The following EPHB4 variants were observed in gnomAD, a reference collection of about 807,000 sequenced individuals.
EPHB4 encodes the protein ephrin type-B receptor 4.
EPHB4 carries 50 observed loss-of-function variants against 110.6 expected under a neutral mutation model. That is an observed-to-expected ratio of 0.45 (90% CI 0.36 to 0.57). The LOEUF (loss-of-function observed/expected upper bound fraction) is 0.57, where lower values mean the gene tolerates loss of function less well. Among genes scored for constraint, EPHB4 ranks in the 20% least tolerant of loss-of-function variants. The pLI is 0.00. For synonymous variants in EPHB4, 592 were observed against 578.4 expected, an observed-to-expected ratio of 1.02 and a Z score of -0.34; for missense variants, 1,128 against 1,382.1, an observed-to-expected ratio of 0.82 and a Z score of 2.91.
Position 100,822,680 on chromosome 7 carries a change from G to T in EPHB4, c.412-13C>A, listed in dbSNP as rs778010856. 5.8e-6 allele frequency: 9 copies of T among 1,539,040 alleles called. No homozygotes were observed. In the East Asian group the frequency reaches 2.1e-4, roughly 36 times the overall value. The stretch of plus-strand genomic sequence containing the variant: ...CCACCGTGTCCACCTGCCGGCGGGG[G>T]GGAGGCACACCGCTGCTGTCCCCAC... On this transcript the variant is annotated splice_polypyrimidine_tract_variant and intron_variant, in intron 3 of 16. Transcript: ENST00000358173. The surrounding 1 kb of genome is among the most constrained non-coding windows in gnomAD (Gnocchi z 4.7).
Position 100,812,945 on chromosome 7 carries a change from C to T in EPHB4, c.1920G>A (p.Lys640=). The change falls in exon 12 of 17, where the codon AAG becomes AAA. Residue 640 remains lysine (K), a synonymous_variant. Transcript: ENST00000358173. The part of the protein sequence containing the change: ...CRGRLKAPGK[K]ESCVAIKTLK... ...GGGTCTTGATTGCCACACAGCTCTC[C>T]TTCTTCCCTGGGGCCTTGAGCCGCC... is the stretch of plus-strand genomic sequence containing the variant. 1 of 1,614,030 alleles carries T rather than the reference C, an allele frequency of 6.2e-7. No homozygotes were observed. The highest frequency in any genetic ancestry group is 8.5e-7 in the Non-Finnish European group (1 of 1,179,888).
rs753421383 is a variant in EPHB4 at position 100,813,124 on chromosome 7, T to C, written c.1841A>G (p.Tyr614Cys). Reference sequence around the variant, plus strand: ...ACCAATCACCTCTTCAATCTTGACGTAGGAGACATCGATCTCTTTTGCAAA... The same window carrying C: ...ACCAATCACCTCTTCAATCTTGACGCAGGAGACATCGATCTCTTTTGCAAA... ...REFAKEIDVS[Y>C]VKIEEVIGAG... Residue 614 changes from tyrosine (Y) to cysteine (C), a missense_variant, in exon 11 of 17, where the codon TAC becomes TGC. Physicochemically the swap from Tyr to Cys is radical, Grantham distance 194. This residue lies in a region of EPHB4 where 191 missense variants were observed against 313.0 expected (regional missense o/e 0.61). Coordinates refer to ENST00000358173, the MANE Select transcript of EPHB4 (RefSeq NM_004444.5). 4 of 1,612,912 alleles carry C rather than the reference T, an allele frequency of 2.5e-6. No individual in the cohort carries two copies. The African/African-American group carries it at 4.0e-5, about 16-fold the overall frequency.
At chr7:100,818,404 G>A (rs1475755619) in intron 7 of EPHB4, 116 bp downstream of exon 7, 9 of 1,499,052 alleles carry the variant, frequency 6.0e-6, no homozygotes, top group South Asian at 1.3e-5. Context: ...GGCTGCCCAG[G>A]GAATCCATGG....
chr7:100,824,626 G>A (rs948760246), intron 1 of EPHB4: 1 of 233,142 alleles, frequency 4.3e-6, no homozygotes, highest in Non-Finnish European at 8.5e-6. Flanking sequence ...AGCAGAGGCT[G>A]CTGGTGTGGG....
intron 16 of EPHB4, 128 bp from the exon 17 acceptor site, chr7:100,803,718 C>A: frequency 1.7e-6 from 2 of 1,204,268 alleles, no homozygotes. Context: ...GGAGGGAGAA[C>A]AGATGTCAAC....
Position 100,810,372 on chromosome 7 carries a change from C to G in EPHB4, c.2118+2375G>C, listed in dbSNP as rs151255724. ...TCATAAATCCAGAAATCAAGACATT[C>G]AGGCGGACAAGGGACCTAACCCTTC... On this transcript the variant is annotated intron_variant, in intron 12 of 16. Coordinates refer to ENST00000358173, the MANE Select transcript of EPHB4 (RefSeq NM_004444.5). Among the ~76,000 whole-genome samples the G allele has an allele frequency of 2.4e-3, 369 of 152,314 alleles. 2 individuals carry two copies. Among genetic ancestry groups the G allele is most frequent in the African/African-American group, 8.0e-3 (331 of 41,576 alleles).
intron 8 of EPHB4, among the ~76,000 whole-genome samples, chr7:100,814,245 G>A (rs568398181): frequency 6.6e-6 from 1 of 152,308 alleles, no homozygotes; most frequent in East Asian, 1.9e-4. Flanking sequence ...GGCAAGGGAG[G>A]AAGTTTCGAA....
chr7:100,826,974 C>G lies in EPHB4; in HGVS notation c.52+5G>C. Reference sequence around the variant, plus strand: ...GGGTGCGCCCCCCCCCGCAAGGAAACTCACCTTCCAAAGCTGCGGCCAACG... The same window carrying G: ...GGGTGCGCCCCCCCCCGCAAGGAAAGTCACCTTCCAAAGCTGCGGCCAACG... On this transcript the variant is annotated splice_donor_5th_base_variant and intron_variant, in intron 1 of 16. Transcript: ENST00000358173. 6.5e-7 allele frequency: 1 copy of G among 1,543,388 alleles called. No homozygotes were observed. Among genetic ancestry groups the G allele is most frequent in the South Asian group, 1.2e-5 (1 of 84,686 alleles).
intron 8 of EPHB4, among the ~76,000 whole-genome samples, chr7:100,814,450 G>C (rs1007152800): frequency 2.0e-5 from 3 of 152,066 alleles, no homozygotes. Flanking sequence ...GCTAATTTGT[G>C]TATTTTTAGT....
chr7:100,803,980 T>C (rs1039734275), intron 16 of EPHB4, among the ~76,000 whole-genome samples: 2 of 151,956 alleles, frequency 1.3e-5, no homozygotes, highest in African/African-American at 4.8e-5. Flanking sequence ...AGGTTGCTGA[T>C]GGCTGGAGGC....
Position 100,805,308 on chromosome 7 carries a change from G to A in EPHB4, c.2692C>T (p.Leu898Phe). The change falls in exon 16 of 17, where the codon CTC becomes TTC. Residue 898 changes from leucine (L) to phenylalanine (F), a missense_variant. This residue lies in a region of EPHB4 where 209 missense variants were observed against 240.5 expected (regional missense o/e 0.87). Transcript: ENST00000358173. ...ARENGGASHP[L>F]LDQRQPHYSA... ...TAGTGAGGCTGCCGCTGGTCCAGGA[G>A]AGGGTGTGAGGCCCTAGGGGGCAAG... 6.2e-7 allele frequency: 1 copy of A among 1,613,874 alleles called. No individual in the cohort carries two copies. The highest frequency in any genetic ancestry group is 8.5e-7 in the Non-Finnish European group (1 of 1,179,914).
At chr7:100,820,106 C>T (rs1175092532) in intron 5 of EPHB4, 35 bp downstream of exon 5, 1 of 1,605,466 alleles carries the variant, frequency 6.2e-7, no homozygotes, top group Non-Finnish European at 8.5e-7. Flanking sequence ...TGTGACCCCT[C>T]CCCAGTGAAC....
Position 100,827,081 on chromosome 7 carries a change from C to T in EPHB4, c.-51G>A, listed in dbSNP as rs1293382154. ...CGAACTGAGTTTGGGGGGCCCTCGC[C>T]CCCCCAGGTCTGACTCTCCCTGGGC... On this transcript the variant is annotated 5_prime_UTR_variant, in exon 1 of 17. Transcript: ENST00000358173. 1.3e-6 allele frequency: 2 copies of T among 1,544,758 alleles called. No homozygotes were observed. Among genetic ancestry groups the T allele is most frequent in the Non-Finnish European group, 1.7e-6 (2 of 1,143,000 alleles).
intron 8 of EPHB4, among the ~76,000 whole-genome samples, chr7:100,816,067 T>A: frequency 6.7e-6 from 1 of 149,250 alleles, no homozygotes; most frequent in East Asian, 2.0e-4. Flanking sequence ...GGCGGGTGGA[T>A]CAGGAGGTCA....
chr7:100,808,117 C>T (rs1812855281), intron 12 of EPHB4, among the ~76,000 whole-genome samples: 1 of 152,224 alleles, frequency 6.6e-6, no homozygotes, highest in Non-Finnish European at 1.5e-5. Flanking sequence ...AGCATTCAGT[C>T]TCTCCCAATC....
Position 100,817,454 on chromosome 7 carries a change from C to G in EPHB4, c.1423-97G>C. Reference sequence around the variant, plus strand: ...CCTCGCCCTCCACTCCCATCACTAGCCTGCCTTGCAACTGGTGAGGCCTTT... The same window carrying G: ...CCTCGCCCTCCACTCCCATCACTAGGCTGCCTTGCAACTGGTGAGGCCTTT... On this transcript the variant is annotated intron_variant, in intron 7 of 16. Transcript: ENST00000358173. 3.6e-6 allele frequency: 5 copies of G among 1,382,522 alleles called. No homozygotes were observed. In the South Asian group the frequency reaches 5.6e-5, roughly 16 times the overall value. 85.6% of individuals were successfully genotyped at this position (1,382,522 alleles called of 1,614,324 possible).
chr7:100,819,933 G>A (rs1024216478), intron 5 of EPHB4, 44 bp from the exon 6 acceptor site: 15 of 1,512,760 alleles, frequency 9.9e-6, no homozygotes, highest in East Asian at 2.5e-5. Flanking sequence ...CCTGCTCTGC[G>A]GTGGTGGGGA....
chr7:100,823,921 A>C lies in EPHB4; in HGVS notation c.134T>G (p.Leu45Arg). 6.3e-7 allele frequency: 1 copy of C among 1,587,792 alleles called. No homozygotes were observed. Among genetic ancestry groups the C allele is most frequent in the Non-Finnish European group, 8.6e-7 (1 of 1,166,602 alleles). The change falls in exon 3 of 17, where the codon CTG becomes CGG. Residue 45 changes from leucine to arginine, a missense_variant. Around this residue, in one of 3 missense-constraint regions of EPHB4, gnomAD observed 728 missense variants for 828.6 expected, o/e 0.88. Transcript: ENST00000358173. ...FPQVDGQWEE[L>R]SGLDEEQHSV... ...GTGCTGTTCCTCATCCAGGCCGCTCAGTTCCTCCCACTGTGCAGAGAAGGA... is the reference window on the plus strand; with the variant it reads ...GTGCTGTTCCTCATCCAGGCCGCTCCGTTCCTCCCACTGTGCAGAGAAGGA...
At position 100,812,816 on chromosome 7, in the gene EPHB4, G is replaced by C; in HGVS notation, c.2049C>G (p.Val683=). 1 of 1,614,216 alleles carries C rather than the reference G, an allele frequency of 6.2e-7. No individual in the cohort carries two copies. The change falls in exon 12 of 17, where the codon GTC becomes GTG. Residue 683 remains valine (V), a synonymous_variant. Coordinates refer to ENST00000358173, the MANE Select transcript of EPHB4 (RefSeq NM_004444.5). ...GAATCATGACGGGCATGCTGTTGGT[G>C]ACCACGCCCTCCAGGCGGATGATAT... is the stretch of plus-strand genomic sequence containing the variant. The part of the protein sequence containing the change: ...HPNIIRLEGV[V]TNSMPVMILT...
Sources: allele counts gnomAD v4.1 joint callset (sites outside exome capture counted in the v4.1 genomes callset), GRCh38; gene constraint gnomAD v4.1.1; regional missense constraint gnomAD v4.1.1; non-coding constraint Gnocchi (gnomAD v3.1); transcripts MANE v1.5; gene names NCBI Gene and HGNC (gene_info 2026-07-23, HGNC 2026-07-21).